Variants in IFFO2 observed in about 807,000 individuals in gnomAD.
IFFO2 encodes intermediate filament family orphan 2.
Under a neutral mutation model 53.5 loss-of-function variants are expected in IFFO2, and 19 were observed. That is an observed-to-expected ratio of 0.36 (90% CI 0.25 to 0.52). The LOEUF (loss-of-function observed/expected upper bound fraction) is 0.52. IFFO2 is among the 20% of genes least tolerant of loss of function. The probability of loss-of-function intolerance (pLI) is 0.94; values close to 1 mark genes in which losing one functional copy is unlikely to be tolerated. For synonymous variants in IFFO2, 303 were observed against 313.6 expected (o/e 0.97, Z 0.36); for missense variants, 570 against 727.4 (o/e 0.78, Z 2.49).
In IFFO2 at chr1:18,954,576, G is replaced by A. The variant is rs190205530; in HGVS notation, c.665+1092C>T. Among the ~76,000 whole-genome samples, 9 of 152,358 alleles carry A rather than the reference G, an allele frequency of 5.9e-5. No homozygotes were observed. In the East Asian group the frequency reaches 9.7e-4, roughly 16 times the overall value. ...CCGAATGGAAGGCTGCCTGTGCCTG[G>A]AACAGCGATTGCCAGGGCCAGAGGG... On this transcript the variant is annotated intron_variant, in intron 1 of 8. Transcript: ENST00000455833.
At chr1:18,943,888 C>G (rs917755501) in intron 1 of IFFO2, among the ~76,000 whole-genome samples, 1 of 152,212 alleles carries the variant, frequency 6.6e-6, no homozygotes, top group Admixed American at 6.5e-5. Context: ...CCTGTCTCTG[C>G]GGACCCCACT....
intron 1 of IFFO2, among the ~76,000 whole-genome samples, chr1:18,952,404 G>A (rs1936670088): frequency 6.6e-6 from 1 of 152,154 alleles, no homozygotes; most frequent in Admixed American, 6.5e-5. Flanking sequence ...GACCACTGAT[G>A]GCACATGAGA....
At chr1:18,914,814 C>T (rs1224749857) in intron 5 of IFFO2, among the ~76,000 whole-genome samples, 3 of 134,500 alleles carry the variant, frequency 2.2e-5, no homozygotes, top group Non-Finnish European at 3.1e-5. Context: ...CAGAACAAGG[C>T]TCCATCTCAA....
intron 1 of IFFO2, among the ~76,000 whole-genome samples, chr1:18,946,817 A>G (rs1936594707): frequency 2.0e-5 from 3 of 152,172 alleles, no homozygotes; most frequent in African/African-American, 7.2e-5. Context: ...CACCCAACTC[A>G]CAGGGTTATT....
chr1:18,930,666 A>G (rs550747182), intron 1 of IFFO2, among the ~76,000 whole-genome samples: 9 of 152,258 alleles, frequency 5.9e-5, no homozygotes, highest in Admixed American at 4.6e-4. Flanking sequence ...GTCTCATGGC[A>G]CCTTCCAACA....
At chr1:18,945,727 C>G (rs1426764015) in intron 1 of IFFO2, among the ~76,000 whole-genome samples, 1 of 152,244 alleles carries the variant, frequency 6.6e-6, no homozygotes, top group African/African-American at 2.4e-5. Context: ...TCTGCCAGGG[C>G]CAAGGCCCAA....
intron 1 of IFFO2, among the ~76,000 whole-genome samples, chr1:18,951,068 C>G (rs1478808652): frequency 6.6e-6 from 1 of 152,228 alleles, no homozygotes; most frequent in Non-Finnish European, 1.5e-5. Context: ...GCCAGCCCCC[C>G]TCTGGGCCTT....
At chr1:18,912,223 G>C in intron 5 of IFFO2, 140 bp from the exon 6 acceptor site, 1 of 926,110 alleles carries the variant, frequency 1.1e-6, no homozygotes, top group Middle Eastern at 2.2e-4. Context: ...GTAAGCCAAA[G>C]GGGACATTCG....
In IFFO2 at chr1:18,917,536, C is replaced by T. The variant is rs1168936510; in HGVS notation, c.964-494G>A. Reference sequence around the variant, plus strand: ...ACAAGCCACGAGCAAACGAAGGCTGCGTTGGCCTCCCCTGCTTCCCGGCAG... The same window carrying T: ...ACAAGCCACGAGCAAACGAAGGCTGTGTTGGCCTCCCCTGCTTCCCGGCAG... On this transcript the variant is annotated intron_variant, in intron 4 of 8. Coordinates refer to ENST00000455833, the MANE Select transcript of IFFO2 (RefSeq NM_001136265.2). The surrounding 1 kb of genome is among the most constrained non-coding windows in gnomAD (Gnocchi z 5.9). Among the ~76,000 whole-genome samples the T allele has an allele frequency of 9.9e-5, 15 of 152,206 alleles. No individual in the cohort carries two copies. The highest frequency in any genetic ancestry group is 2.9e-4 in the African/African-American group (12 of 41,450).
rs111666649 is a variant in IFFO2 at position 18,916,229 on chromosome 1, G to A, written c.1103+674C>T. ...CCAGAGAGAGGACAGCCCAGCCCCT[G>A]TATCTCATGGGCAAGAACACCCCTT... On this transcript the variant is annotated intron_variant, in intron 5 of 8. Coordinates refer to ENST00000455833, the MANE Select transcript of IFFO2 (RefSeq NM_001136265.2). This position sits in a 1 kb window ranked among gnomAD's most constrained non-coding sequence, Gnocchi z 4.3. Among the ~76,000 whole-genome samples the A allele has an allele frequency of 6.6e-5, 10 of 152,280 alleles. No individual in the cohort carries two copies. Among genetic ancestry groups the A allele is most frequent in the African/African-American group, 2.4e-4 (10 of 41,544 alleles).
intron 8 of IFFO2, 137 bp downstream of exon 8, chr1:18,910,203 ATG>A: frequency 1.0e-6 from 1 of 971,500 alleles, no homozygotes; most frequent in East Asian, 2.6e-5. Context: ...GGATGGATGG[ATG>A]GATGGATGGA....
intron 5 of IFFO2, among the ~76,000 whole-genome samples, chr1:18,912,974 C>G (rs1936063148): frequency 1.3e-5 from 2 of 152,226 alleles, no homozygotes; most frequent in South Asian, 2.1e-4. Context: ...CAACATACCC[C>G]TATTTCCAAG....
intron 5 of IFFO2, among the ~76,000 whole-genome samples, chr1:18,912,557 G>C (rs1447987748): frequency 6.6e-6 from 1 of 152,186 alleles, no homozygotes. Context: ...GCATGTAGCA[G>C]AAATAGGCTA....
intron 5 of IFFO2, 26 bp from the exon 6 acceptor site, chr1:18,912,109 G>A (rs1371984482): frequency 6.4e-7 from 1 of 1,551,256 alleles, no homozygotes; most frequent in Admixed American, 2.0e-5. Flanking sequence ...CAGAGGGCAT[G>A]ACTGAACAGA....
At position 18,905,434 on chromosome 1, in the gene IFFO2, G is replaced by C. The variant is rs778757172; in HGVS notation, c.*3127C>G. 1 of 151,912 alleles carries C rather than the reference G, an allele frequency of 6.6e-6. No homozygotes were observed. Among genetic ancestry groups the C allele is most frequent in the African/African-American group, 2.4e-5 (1 of 41,338 alleles). The allele number at this position is 151,912 out of a possible 1,614,324, so 9.4% of individuals were successfully genotyped here. Reference sequence around the variant, plus strand: ...CCCTTCCTTTCATAAAAATAGATGAGAGTCTCTTGCTTTATAAATAGATTA... The same window carrying C: ...CCCTTCCTTTCATAAAAATAGATGACAGTCTCTTGCTTTATAAATAGATTA... On this transcript the variant is annotated 3_prime_UTR_variant, in exon 9 of 9. Coordinates refer to ENST00000455833, the MANE Select transcript of IFFO2 (RefSeq NM_001136265.2).
chr1:18,917,273 C>T lies in IFFO2; in HGVS notation c.964-231G>A, dbSNP rs1167805031. On this transcript the variant is annotated intron_variant, in intron 4 of 8. Transcript: ENST00000455833. The surrounding 1 kb of genome is among the most constrained non-coding windows in gnomAD (Gnocchi z 5.9). ...CTGGACTCTTCCCTGCCCTGGGCGG[C>T]CTGGTGGGTGCGCCGGCTCGGCTCG... Among the ~76,000 whole-genome samples the T allele has an allele frequency of 6.6e-6, 1 of 152,128 alleles. No homozygotes were observed. Among genetic ancestry groups the T allele is most frequent in the Non-Finnish European group, 1.5e-5 (1 of 68,020 alleles).
intron 5 of IFFO2, among the ~76,000 whole-genome samples, chr1:18,914,732 A>G (rs992321622): frequency 1.3e-5 from 2 of 150,360 alleles, no homozygotes; most frequent in African/African-American, 4.9e-5. Flanking sequence ...CTGAGGCAGG[A>G]GAATTGCTTG....
intron 7 of IFFO2, among the ~76,000 whole-genome samples, chr1:18,911,170 A>G (rs1936030738): frequency 6.6e-6 from 1 of 152,228 alleles, no homozygotes; most frequent in Non-Finnish European, 1.5e-5. Context: ...TAATTCTCTG[A>G]GGCAGGCAAG....
chr1:18,940,063 T>TG, intron 1 of IFFO2, among the ~76,000 whole-genome samples: 1 of 152,288 alleles, frequency 6.6e-6, no homozygotes, highest in East Asian at 1.9e-4. Context: ...CTGTTCCAGA[T>TG]GCGGGAGGGT....
Sources: allele counts gnomAD v4.1 joint callset (sites outside exome capture counted in the v4.1 genomes callset), GRCh38; gene constraint gnomAD v4.1.1; non-coding constraint Gnocchi (gnomAD v3.1); transcripts MANE v1.5; gene names NCBI Gene and HGNC (gene_info 2026-07-23, HGNC 2026-07-21).